The following CC2D2A variants were observed in gnomAD, a reference collection of about 807,000 sequenced individuals.
CC2D2A encodes coiled-coil and C2 domain-containing protein 2A.
A neutral mutation model predicts 212.9 loss-of-function variants in CC2D2A; 155 were observed. That is an observed-to-expected ratio of 0.73 (90% CI 0.64 to 0.83). CC2D2A has a LOEUF of 0.83. CC2D2A is among the 40% of genes least tolerant of loss of function. The pLI, the probability that CC2D2A is intolerant of heterozygous loss-of-function variation, is 0.00. For synonymous variants in CC2D2A, 667 were observed against 686.5 expected (o/e 0.97, Z 0.44); for missense variants, 1,856 against 1,956.2 (o/e 0.95, Z 0.97).
chr4:15,512,266 G>A lies in CC2D2A; in HGVS notation c.717+843G>A, dbSNP rs566804433. On this transcript the variant is annotated intron_variant, in intron 8 of 36. Coordinates refer to ENST00000424120, the MANE Select transcript of CC2D2A (RefSeq NM_001378615.1). ...TTTGAACATATACTTGTGCACCGAT[G>A]TTCATAGCAGCATTATTCACAAAAG... Among the ~76,000 whole-genome samples, 4 of 152,302 alleles carry A rather than the reference G, an allele frequency of 2.6e-5. No homozygotes were observed. The South Asian group carries it at 8.3e-4, about 32-fold the overall frequency.
chr4:15,485,945 G>A (rs918320875), intron 4 of CC2D2A, among the ~76,000 whole-genome samples: 10 of 151,830 alleles, frequency 6.6e-5, no homozygotes, highest in Admixed American at 6.6e-4. Flanking sequence ...CCTTCATTCT[G>A]TTGATATGAT....
chr4:15,517,471 A>C (rs1380282865), intron 11 of CC2D2A, among the ~76,000 whole-genome samples: 1 of 152,080 alleles, frequency 6.6e-6, no homozygotes, highest in Non-Finnish European at 1.5e-5. Flanking sequence ...TATTTTCCTA[A>C]GTCTGGTAAC....
chr4:15,471,114 T>C (rs1391567239), intron 1 of CC2D2A, among the ~76,000 whole-genome samples: 1 of 152,132 alleles, frequency 6.6e-6, no homozygotes, highest in Admixed American at 6.6e-5. Context: ...ACTAACCTTA[T>C]GCTAAGGGAA....
At chr4:15,586,644 G>A (rs1282666406) in intron 31 of CC2D2A, among the ~76,000 whole-genome samples, 2 of 151,934 alleles carry the variant, frequency 1.3e-5, no homozygotes, top group African/African-American at 4.8e-5. Context: ...TGTACTTCTT[G>A]GTCACTTACC....
chr4:15,527,788 A>G, intron 12 of CC2D2A, 132 bp downstream of exon 12: 1 of 683,374 alleles, frequency 1.5e-6, no homozygotes, highest in Non-Finnish European at 2.5e-6. Flanking sequence ...GATGTGTGAT[A>G]CATTATCCAG....
chr4:15,584,723 TAGG>T (rs1452018867), intron 30 of CC2D2A, among the ~76,000 whole-genome samples: 3 of 151,904 alleles, frequency 2.0e-5, no homozygotes, highest in African/African-American at 7.3e-5. Context: ...CTACACAGAA[TAGG>T]AGATAGTATT....
intron 28 of CC2D2A, among the ~76,000 whole-genome samples, chr4:15,573,684 G>A (rs915254609): frequency 8.5e-5 from 13 of 152,256 alleles, no homozygotes; most frequent in Admixed American, 2.0e-4. Flanking sequence ...AATGGAGATG[G>A]GAAGTTGGGC....
intron 34 of CC2D2A, among the ~76,000 whole-genome samples, chr4:15,597,205 G>GT (rs1424140703): frequency 1.3e-5 from 2 of 152,144 alleles, no homozygotes; most frequent in African/African-American, 4.8e-5. Flanking sequence ...TACTTCTGTG[G>GT]TAAGAGAGAA....
chr4:15,556,150 G>A (rs1410400773), intron 20 of CC2D2A, among the ~76,000 whole-genome samples: 1 of 152,196 alleles, frequency 6.6e-6, no homozygotes, highest in East Asian at 1.9e-4. Context: ...TCTTGGTATC[G>A]AATACAATTG....
intron 4 of CC2D2A, among the ~76,000 whole-genome samples, chr4:15,495,643 C>T (rs1380917021): frequency 6.6e-6 from 1 of 152,070 alleles, no homozygotes; most frequent in African/African-American, 2.4e-5. Context: ...CTGATGGGCA[C>T]CTAGGTTGAT....
chr4:15,500,099 G>GTATATATA (rs71179633), intron 4 of CC2D2A, among the ~76,000 whole-genome samples: 1,767 of 68,394 alleles, frequency 0.026, 27 homozygotes, highest in Non-Finnish European at 0.044. Context: ...GTGTGTGTGT[G>GTATATATA]TGTGTGTGTA....
chr4:15,555,927 A>G (rs1560180676), intron 20 of CC2D2A, among the ~76,000 whole-genome samples: 1 of 152,210 alleles, frequency 6.6e-6, no homozygotes, highest in Non-Finnish European at 1.5e-5. Flanking sequence ...TAATAAGTCG[A>G]TTTGATTTCA....
chr4:15,528,505 C>A, intron 12 of CC2D2A, 115 bp from the exon 13 acceptor site: 1 of 704,434 alleles, frequency 1.4e-6, no homozygotes, highest in South Asian at 1.7e-5. Flanking sequence ...CTTGAACATC[C>A]GTTCCATTCA....
At chr4:15,541,960 A>G (rs1029789263) in intron 17 of CC2D2A, among the ~76,000 whole-genome samples, 1 of 152,118 alleles carries the variant, frequency 6.6e-6, no homozygotes, top group African/African-American at 2.4e-5. Context: ...CTAGAGGAGT[A>G]TCTTTCCCTG....
chr4:15,501,454 C>A (rs1007663627), intron 4 of CC2D2A, among the ~76,000 whole-genome samples: 1 of 152,034 alleles, frequency 6.6e-6, no homozygotes, highest in African/African-American at 2.4e-5. Context: ...ACATTCTTCA[C>A]GACATCCACA....
intron 22 of CC2D2A, among the ~76,000 whole-genome samples, chr4:15,560,091 C>CA (rs147591413): frequency 0.27 from 41,550 of 151,914 alleles, 5,906 homozygotes; most frequent in East Asian, 0.46. Flanking sequence ...CTTGGCCTCT[C>CA]AAAGTGCTGG....
At chr4:15,477,921 G>A (rs1241606687) in intron 2 of CC2D2A, among the ~76,000 whole-genome samples, 3 of 151,924 alleles carry the variant, frequency 2.0e-5, no homozygotes, top group African/African-American at 7.3e-5. Context: ...TTTGTGTTCC[G>A]AATTTGTTTC....
chr4:15,600,624 C>A (rs1357126615), intron 36 of CC2D2A, among the ~76,000 whole-genome samples: 1 of 152,076 alleles, frequency 6.6e-6, no homozygotes, highest in African/African-American at 2.4e-5. Flanking sequence ...AAATTATTGT[C>A]GGGCGCTATG....
intron 22 of CC2D2A, 76 bp from the exon 23 acceptor site, chr4:15,560,455 T>C: frequency 1.4e-6 from 1 of 740,516 alleles, no homozygotes; most frequent in East Asian, 2.8e-5. Flanking sequence ...GACATTAGGG[T>C]AAAAACTTAG....
Sources: allele counts gnomAD v4.1 joint callset (sites outside exome capture counted in the v4.1 genomes callset), GRCh38; gene constraint gnomAD v4.1.1; transcripts MANE v1.5; gene names NCBI Gene and HGNC (gene_info 2026-07-23, HGNC 2026-07-21).